The following PARP8 variants were observed in gnomAD, a reference collection of about 807,000 sequenced individuals.
PARP8 encodes protein mono-ADP-ribosyltransferase PARP8.
In PARP8, 51 loss-of-function variants were observed where a neutral mutation model predicts 124.1. That is an observed-to-expected ratio of 0.41 (90% confidence interval 0.33 to 0.52). The LOEUF is 0.52. Ranked by LOEUF, PARP8 falls within the 20% of genes least tolerant of loss-of-function variation. The pLI is 0.21. For missense variants in PARP8, 860 were observed against 1,018.9 expected (o/e 0.84, Z 2.12); for synonymous variants, 391 against 361.5 (o/e 1.08, Z -0.93).
chr5:50,838,880 A>C (rs1430666974), intron 25 of PARP8, among the ~76,000 whole-genome samples: 2 of 151,920 alleles, frequency 1.3e-5, no homozygotes, highest in Non-Finnish European at 2.9e-5. Flanking sequence ...TTCAAGGCTC[A>C]TTCAAACATG....
intron 2 of PARP8, among the ~76,000 whole-genome samples, chr5:50,729,600 A>C (rs1373277751): frequency 6.6e-6 from 1 of 152,052 alleles, no homozygotes; most frequent in Non-Finnish European, 1.5e-5. Flanking sequence ...CTGGGAATAA[A>C]TTTTGTTTTT....
At position 50,795,207 on chromosome 5, in the gene PARP8, G is replaced by C; in HGVS notation, c.1218G>C (p.Leu406=). 6.2e-7 allele frequency: 1 copy of C among 1,614,154 alleles called. No individual in the cohort carries two copies. The highest frequency in any genetic ancestry group is 8.5e-7 in the Non-Finnish European group (1 of 1,180,018). Residue 406 remains leucine (L), a synonymous_variant, in exon 12 of 26, where the codon CTG becomes CTC. Transcript: ENST00000281631. The part of the protein sequence containing the change: ...EHNTNLKPHK[L]LSRSYSSNLR... The stretch of plus-strand genomic sequence containing the variant: ...ACACAAACTTGAAGCCCCATAAACT[G>C]TTAAGCAGGTCTTACTCTAGTAATC...
chr5:50,830,022 A>G (rs1039150920), intron 22 of PARP8, 61 bp downstream of exon 22: 2 of 1,562,604 alleles, frequency 1.3e-6, no homozygotes, highest in Non-Finnish European at 1.7e-6. Flanking sequence ...CTTATTGTTT[A>G]TACTCTATTC....
At chr5:50,833,544 A>G in intron 23 of PARP8, 1 of 330,056 alleles carries the variant, frequency 3.0e-6, no homozygotes, top group Non-Finnish European at 5.9e-6. Flanking sequence ...TTTCTACATG[A>G]AATGTTTCTG....
intron 2 of PARP8, among the ~76,000 whole-genome samples, chr5:50,688,494 A>G (rs1561246389): frequency 6.6e-6 from 1 of 152,086 alleles, no homozygotes; most frequent in Non-Finnish European, 1.5e-5. Flanking sequence ...ACTCCTTCCA[A>G]TGCATGTGGT....
rs762219308 is a variant in PARP8, at chr5:50,829,913, A to G, written c.2185A>G (p.Ser729Gly). 1 of 1,609,994 alleles carries G rather than the reference A, an allele frequency of 6.2e-7. No homozygotes were observed. Among genetic ancestry groups the G allele is most frequent in the Non-Finnish European group, 8.5e-7 (1 of 1,177,868 alleles). ...TTAGCTCCATGGTGCAATGTATGGA[A>G]GTGGAATCTATCTTAGTCCAATGTC... is the stretch of plus-strand genomic sequence containing the variant. Reference protein sequence around the residue: ...RLQLHGAMYGSGIYLSPMSSI... With the variant: ...RLQLHGAMYGGGIYLSPMSSI... The change falls in exon 22 of 26, where the codon AGT becomes GGT. Residue 729 changes from serine to glycine, a missense_variant. Transcript: ENST00000281631.
chr5:50,668,144 T>C lies in PARP8; in HGVS notation c.146+19T>C. 1.3e-6 allele frequency: 2 copies of C among 1,573,100 alleles called. No homozygotes were observed. Among genetic ancestry groups the C allele is most frequent in the Non-Finnish European group, 1.7e-6 (2 of 1,145,740 alleles). ...CCAGAAGGTATTTATGTGTATAGAG[T>C]TGCTTCATTTCCTGTTCACACTCTT... On this transcript the variant is annotated intron_variant, in intron 2 of 25. Transcript: ENST00000281631.
rs1365571675 is a variant in PARP8, at chr5:50,843,033, C to A, written c.*965C>A. 1.3e-5 allele frequency: 2 copies of A among 151,592 alleles called. No homozygotes were observed. The highest frequency in any genetic ancestry group is 2.4e-5 in the African/African-American group (1 of 41,338). The allele number at this position is 151,592 out of a possible 1,614,324, so 9.4% of individuals were successfully genotyped here. ...ATTATACAATTTTATTTATGCCACA[C>A]CAGCATTTTTATATTTGTTCATCTA... is the stretch of plus-strand genomic sequence containing the variant. On this transcript the variant is annotated 3_prime_UTR_variant, in exon 26 of 26. Transcript: ENST00000281631.
chr5:50,780,701 A>AG (rs1158007136), intron 9 of PARP8, among the ~76,000 whole-genome samples: 9 of 152,214 alleles, frequency 5.9e-5, no homozygotes, highest in Non-Finnish European at 1.3e-4. Context: ...TTGGAAACCA[A>AG]GGAAACCTGA....
chr5:50,809,300 C>G (rs1726928928), intron 14 of PARP8, among the ~76,000 whole-genome samples: 1 of 151,978 alleles, frequency 6.6e-6, no homozygotes, highest in Admixed American at 6.6e-5. Context: ...GTTTGTAGTT[C>G]TAGAAGATAT....
intron 2 of PARP8, among the ~76,000 whole-genome samples, chr5:50,677,936 A>G (rs1281775496): frequency 6.6e-6 from 1 of 151,762 alleles, no homozygotes; most frequent in East Asian, 1.9e-4. Flanking sequence ...AAAAAAAAAA[A>G]CCCTGTACAT....
At chr5:50,796,074 ATGAT>A (rs1329789460) in intron 12 of PARP8, among the ~76,000 whole-genome samples, 1 of 152,214 alleles carries the variant, frequency 6.6e-6, no homozygotes, top group African/African-American at 2.4e-5. Flanking sequence ...TATCGCTAGC[ATGAT>A]TGGCATGATA....
intron 2 of PARP8, among the ~76,000 whole-genome samples, chr5:50,727,061 G>A (rs1297919788): frequency 1.6e-4 from 25 of 152,216 alleles, no homozygotes; most frequent in Non-Finnish European, 1.8e-4. Flanking sequence ...CTTTCTGAAG[G>A]TTGTGAGAAA....
chr5:50,793,438 C>T (rs1742182218), intron 10 of PARP8, among the ~76,000 whole-genome samples: 1 of 152,178 alleles, frequency 6.6e-6, no homozygotes, highest in African/African-American at 2.4e-5. Flanking sequence ...AATAAGAACA[C>T]TGTGTCCAAG....
At chr5:50,798,948 T>A (rs1742880325) in intron 14 of PARP8, among the ~76,000 whole-genome samples, 1 of 152,174 alleles carries the variant, frequency 6.6e-6, no homozygotes, top group Admixed American at 6.5e-5. Context: ...GTTGTAAGAG[T>A]TCTTTATGTA....
At chr5:50,681,196 TAATG>T (rs754494889) in intron 2 of PARP8, among the ~76,000 whole-genome samples, 34 of 152,270 alleles carry the variant, frequency 2.2e-4, no homozygotes, top group Middle Eastern at 3.4e-3. Flanking sequence ...GACAAGAACT[TAATG>T]AATCTTAAAT....
At chr5:50,738,546 C>T (rs1273321516) in intron 2 of PARP8, among the ~76,000 whole-genome samples, 1 of 152,050 alleles carries the variant, frequency 6.6e-6, no homozygotes. Context: ...ACATCTCAAG[C>T]ACTTTAACAG....
At chr5:50,698,872 T>C (rs558111931) in intron 2 of PARP8, among the ~76,000 whole-genome samples, 1 of 152,304 alleles carries the variant, frequency 6.6e-6, no homozygotes, top group South Asian at 2.1e-4. Context: ...TAGCTAAAAA[T>C]GTACCAAATA....
intron 2 of PARP8, among the ~76,000 whole-genome samples, chr5:50,749,883 T>A (rs1344578183): frequency 6.6e-6 from 1 of 152,160 alleles, no homozygotes; most frequent in Non-Finnish European, 1.5e-5. Flanking sequence ...AAGACCTGTC[T>A]ATACTAAAAG....
Sources: allele counts gnomAD v4.1 joint callset (sites outside exome capture counted in the v4.1 genomes callset), GRCh38; gene constraint gnomAD v4.1.1; transcripts MANE v1.5; gene names NCBI Gene and HGNC (gene_info 2026-07-23, HGNC 2026-07-21).